ADGRL3: variants seen among roughly 807,000 people sequenced by gnomAD.
ADGRL3 encodes the protein calcium-independent alpha-latrotoxin receptor 3.
In ADGRL3, 62 loss-of-function variants were observed where a neutral mutation model predicts 153.5. That is an observed-to-expected ratio of 0.40 (90% CI 0.33 to 0.50). The LOEUF (loss-of-function observed/expected upper bound fraction) is 0.50, where lower values mean the gene tolerates loss of function less well. ADGRL3 is among the 20% of genes least tolerant of loss of function. The pLI, the probability that ADGRL3 is intolerant of heterozygous loss-of-function variation, is 0.47. For missense variants in ADGRL3, 1,641 were observed against 1,859.4 expected, an observed-to-expected ratio of 0.88 and a Z score of 2.16; for synonymous variants, 710 against 672.5, an observed-to-expected ratio of 1.06 and a Z score of -0.86.
chr4:61,882,932 C>T (rs763726046), intron 9 of ADGRL3, among the ~76,000 whole-genome samples: 2 of 152,052 alleles, frequency 1.3e-5, no homozygotes, highest in Non-Finnish European at 2.9e-5. Flanking sequence ...TGGTGAAACC[C>T]CGTCTCTACT....
chr4:61,832,405 A>G (rs2097882206), intron 9 of ADGRL3, among the ~76,000 whole-genome samples: 1 of 147,638 alleles, frequency 6.8e-6, no homozygotes, highest in Admixed American at 6.7e-5. Flanking sequence ...TTTTTCCTGG[A>G]TATTTGTTGA....
At chr4:61,564,003 C>T (rs1477212106) in intron 4 of ADGRL3, among the ~76,000 whole-genome samples, 1 of 152,020 alleles carries the variant, frequency 6.6e-6, no homozygotes, top group Non-Finnish European at 1.5e-5. Flanking sequence ...GCGAGACTGT[C>T]TCAAATAAAT....
intron 5 of ADGRL3, among the ~76,000 whole-genome samples, chr4:61,609,347 T>C (rs566511109): frequency 6.6e-6 from 1 of 152,256 alleles, no homozygotes; most frequent in African/African-American, 2.4e-5. Flanking sequence ...ATAAGCAAGG[T>C]ATAATATGCT....
intron 6 of ADGRL3, among the ~76,000 whole-genome samples, chr4:61,717,862 C>A (rs2096154143): frequency 6.6e-6 from 1 of 151,756 alleles, no homozygotes; most frequent in African/African-American, 2.4e-5. Context: ...GGTGGAACCC[C>A]ATCTCAATTA....
intron 8 of ADGRL3, among the ~76,000 whole-genome samples, chr4:61,750,502 C>G (rs972222362): frequency 6.6e-5 from 10 of 152,136 alleles, no homozygotes; most frequent in Non-Finnish European, 1.0e-4. Flanking sequence ...TATATTAGAA[C>G]TGAAGTCGGC....
intron 9 of ADGRL3, among the ~76,000 whole-genome samples, chr4:61,876,618 G>A (rs2098476861): frequency 6.6e-6 from 1 of 151,794 alleles, no homozygotes; most frequent in Non-Finnish European, 1.5e-5. Flanking sequence ...TTAAGTAAAC[G>A]GAGTTGGGCC....
intron 4 of ADGRL3, among the ~76,000 whole-genome samples, chr4:61,554,127 T>A (rs1355327018): frequency 6.6e-6 from 1 of 151,292 alleles, no homozygotes; most frequent in Non-Finnish European, 1.5e-5. Context: ...ATTTTAAATA[T>A]TGGATCCTAT....
At chr4:61,271,186 G>A (rs2093154723) in intron 1 of ADGRL3, among the ~76,000 whole-genome samples, 2 of 151,854 alleles carry the variant, frequency 1.3e-5, no homozygotes, top group South Asian at 4.1e-4. Flanking sequence ...AAATGAAATT[G>A]TGAAATTTAT....
At chr4:61,883,906 A>G (rs536350086) in intron 9 of ADGRL3, among the ~76,000 whole-genome samples, 4 of 152,078 alleles carry the variant, frequency 2.6e-5, no homozygotes, top group South Asian at 2.1e-4. Flanking sequence ...ATGCAAGACA[A>G]TTACACAATG....
chr4:61,588,242 A>G (rs1008725863), intron 5 of ADGRL3, among the ~76,000 whole-genome samples: 3 of 151,852 alleles, frequency 2.0e-5, no homozygotes, highest in African/African-American at 4.8e-5. Flanking sequence ...TTTTCCTTCT[A>G]TTATTTAAGA....
At chr4:61,718,204 A>G (rs1047630780) in intron 6 of ADGRL3, among the ~76,000 whole-genome samples, 1 of 152,160 alleles carries the variant, frequency 6.6e-6, no homozygotes, top group African/African-American at 2.4e-5. Context: ...ATAATCAGAA[A>G]GTATTCACTT....
chr4:61,674,349 G>C (rs937184966), intron 5 of ADGRL3, among the ~76,000 whole-genome samples: 1 of 151,642 alleles, frequency 6.6e-6, no homozygotes, highest in East Asian at 1.9e-4. Context: ...GTAGTAAGCT[G>C]ATCTGTTTAT....
chr4:61,661,718 C>T (rs545726921), intron 5 of ADGRL3, among the ~76,000 whole-genome samples: 1 of 152,168 alleles, frequency 6.6e-6, no homozygotes, highest in South Asian at 2.1e-4. Context: ...TCTTTCAGAA[C>T]ATTGCATTAG....
intron 21 of ADGRL3, among the ~76,000 whole-genome samples, chr4:62,015,459 A>G (rs1231024562): frequency 1.3e-5 from 2 of 152,228 alleles, no homozygotes; most frequent in Non-Finnish European, 2.9e-5. Flanking sequence ...GGAACAATTT[A>G]TTAGCACAAG....
chr4:61,834,554 T>C (rs1305262030), intron 9 of ADGRL3, among the ~76,000 whole-genome samples: 3 of 152,070 alleles, frequency 2.0e-5, no homozygotes, highest in Non-Finnish European at 4.4e-5. Flanking sequence ...ATCCCTCCCT[T>C]TGGGTTTTAA....
chr4:62,070,060 C>T (rs370444634), intron 26 of ADGRL3, 49 bp from the exon 27 acceptor site: 304 of 1,479,042 alleles, frequency 2.1e-4, no homozygotes, highest in Non-Finnish European at 2.5e-4. Context: ...TGTGTGTGTT[C>T]TATGGCTTGT....
intron 1 of ADGRL3, among the ~76,000 whole-genome samples, chr4:61,213,256 T>C (rs1740977330): frequency 6.6e-6 from 1 of 152,144 alleles, no homozygotes; most frequent in African/African-American, 2.4e-5. Context: ...ATATGTTTTA[T>C]TTTAGCAGTC....
chr4:61,879,362 C>T (rs1581266126), intron 9 of ADGRL3, among the ~76,000 whole-genome samples: 1 of 152,154 alleles, frequency 6.6e-6, no homozygotes, highest in African/African-American at 2.4e-5. Flanking sequence ...CAGACCTTCT[C>T]AGATTTTGGA....
At chr4:61,786,260 G>T (rs1200936972) in intron 8 of ADGRL3, among the ~76,000 whole-genome samples, 1 of 152,150 alleles carries the variant, frequency 6.6e-6, no homozygotes, top group African/African-American at 2.4e-5. Flanking sequence ...GGATTTGTAA[G>T]CAGCCAGTTT....
Sources: allele counts gnomAD v4.1 joint callset (sites outside exome capture counted in the v4.1 genomes callset), GRCh38; gene constraint gnomAD v4.1.1; transcripts MANE v1.5; gene names NCBI Gene and HGNC (gene_info 2026-07-23, HGNC 2026-07-21).